The following HCN1 variants were observed in gnomAD, a reference collection of about 807,000 sequenced individuals.
HCN1 encodes the protein hyperpolarization activated cyclic nucleotide gated potassium channel 1, also known as potassium/sodium hyperpolarization-activated cyclic nucleotide-gated channel 1.
HCN1 carries 13 observed loss-of-function variants against 78.9 expected under a neutral mutation model. The ratio of observed to expected loss-of-function variants is 0.16; its 90% confidence interval spans 0.11 to 0.26. The LOEUF (loss-of-function observed/expected upper bound fraction) is 0.26. HCN1 is among the 10% of genes least tolerant of loss of function. HCN1 has a pLI of 1.00. For missense variants in HCN1, 810 were observed against 1,154.3 expected (o/e 0.70, Z 4.32); for synonymous variants, 552 against 455.5 (o/e 1.21, Z -2.70).
Position 45,353,268 on chromosome 5 carries a change from AT to A in HCN1, c.1231-23del, listed in dbSNP as rs773970502. 4.5e-6 allele frequency: 7 copies of A among 1,554,926 alleles called. No homozygotes were observed. The East Asian group carries it at 1.4e-4, about 30-fold the overall frequency. ...TATACTGTAAGGAAGGGAAAATAAA[AT>A]TAAAAAAAAACATTGTTAGGGTGTA... On this transcript the variant is annotated intron_variant, in intron 4 of 7. Coordinates refer to ENST00000303230, the MANE Select transcript of HCN1 (RefSeq NM_021072.4).
intron 3 of HCN1, among the ~76,000 whole-genome samples, chr5:45,405,636 G>A (rs1739904048): frequency 6.6e-6 from 1 of 152,102 alleles, no homozygotes; most frequent in African/African-American, 2.4e-5. Flanking sequence ...TCAAACTCCT[G>A]GCTTGAAGCA....
intron 2 of HCN1, among the ~76,000 whole-genome samples, chr5:45,626,842 A>G (rs1745170941): frequency 6.6e-6 from 1 of 152,024 alleles, no homozygotes; most frequent in Non-Finnish European, 1.5e-5. Context: ...ATAAGATCCA[A>G]TTAAAAATAA....
At chr5:45,442,201 T>C (rs1740692289) in intron 3 of HCN1, among the ~76,000 whole-genome samples, 1 of 152,148 alleles carries the variant, frequency 6.6e-6, no homozygotes, top group Non-Finnish European at 1.5e-5. Context: ...ACTGCTAAAG[T>C]AGACAAATTC....
In HCN1 at chr5:45,257,724, T is replaced by C. The variant is rs1271082977; in HGVS notation, c.*4197A>G. 6.6e-6 allele frequency: 1 copy of C among 152,168 alleles called. No individual in the cohort carries two copies. The highest frequency in any genetic ancestry group is 2.4e-5 in the African/African-American group (1 of 41,424). The allele number at this position is 152,168 out of a possible 1,614,324, so 9.4% of individuals were successfully genotyped here. A position where few individuals can be genotyped will look rare whatever the true frequency, so the allele number is the denominator to read the frequency against. ...TTTTGAGGGGTAATAGCAGGTGTAC[T>C]TCCCTAAGTACAATAGCAAATCTTT... On this transcript the variant is annotated 3_prime_UTR_variant, in exon 8 of 8. Transcript: ENST00000303230.
intron 4 of HCN1, among the ~76,000 whole-genome samples, chr5:45,360,257 T>C (rs779749728): frequency 1.8e-4 from 27 of 151,748 alleles, no homozygotes; most frequent in Non-Finnish European, 3.5e-4. Context: ...TGACTACATG[T>C]GTTTTAAATG....
chr5:45,376,672 T>C lies in HCN1; in HGVS notation c.1230+19820A>G, dbSNP rs564479336. Among the ~76,000 whole-genome samples, 6 of 152,052 alleles carry C rather than the reference T, an allele frequency of 3.9e-5. No homozygotes were observed. The Admixed American group carries it at 4.0e-4, about 10-fold the overall frequency. ...GAGTCATGCAGGGCAGACGTGATTA[T>C]GTTTATATCTTCATGAGGACCCTGA... On this transcript the variant is annotated intron_variant, in intron 4 of 7. Transcript: ENST00000303230.
At chr5:45,315,539 G>C (rs1745967513) in intron 5 of HCN1, among the ~76,000 whole-genome samples, 1 of 152,096 alleles carries the variant, frequency 6.6e-6, no homozygotes, top group African/African-American at 2.4e-5. Flanking sequence ...TCAAAAGCTA[G>C]CAGAAGGCAA....
At chr5:45,296,440 A>C (rs1745495722) in intron 6 of HCN1, among the ~76,000 whole-genome samples, 1 of 151,890 alleles carries the variant, frequency 6.6e-6, no homozygotes, top group African/African-American at 2.4e-5. Flanking sequence ...TATGACACCA[A>C]ATTTGTATGA....
intron 3 of HCN1, among the ~76,000 whole-genome samples, chr5:45,459,642 T>C (rs1361431685): frequency 6.6e-6 from 1 of 152,188 alleles, no homozygotes; most frequent in African/African-American, 2.4e-5. Flanking sequence ...TATATTGCCT[T>C]ATAATTATAC....
intron 3 of HCN1, among the ~76,000 whole-genome samples, chr5:45,429,542 T>C (rs961833696): frequency 1.3e-5 from 2 of 151,530 alleles, no homozygotes; most frequent in African/African-American, 2.4e-5. Flanking sequence ...AAAAAAAAGG[T>C]GCAATCAATT....
chr5:45,530,454 A>G (rs192737622), intron 2 of HCN1, among the ~76,000 whole-genome samples: 6 of 150,360 alleles, frequency 4.0e-5, no homozygotes, highest in Non-Finnish European at 1.5e-5. Flanking sequence ...TTTTTAAAAT[A>G]AAGGGTGCTT....
intron 5 of HCN1, among the ~76,000 whole-genome samples, chr5:45,352,621 T>C (rs1746932164): frequency 6.6e-6 from 1 of 152,024 alleles, no homozygotes; most frequent in South Asian, 2.1e-4. Context: ...GGCAGATTTC[T>C]AGGGAGGAAC....
Position 45,342,543 on chromosome 5 carries a change from A to C in HCN1, c.1377+10557T>G, listed in dbSNP as rs567176025. On this transcript the variant is annotated intron_variant, in intron 5 of 7. Transcript: ENST00000303230. ...AGGTGTGAGCCACTGCTCCCAGCTT[A>C]TTTCTTTCTTTTAACAAAATATAAA... 1.4e-4 allele frequency among the ~76,000 whole-genome samples: 21 copies of C among 152,084 alleles called. 2 individuals are homozygous for C. The South Asian group carries it at 3.7e-3, about 27-fold the overall frequency.
chr5:45,530,180 T>A (rs1043645231), intron 2 of HCN1, among the ~76,000 whole-genome samples: 3 of 152,024 alleles, frequency 2.0e-5, no homozygotes, highest in African/African-American at 7.2e-5. Flanking sequence ...TTCTCAGCTC[T>A]TTTTTTCAGA....
intron 3 of HCN1, among the ~76,000 whole-genome samples, chr5:45,436,222 G>T (rs2112081871): frequency 6.6e-6 from 1 of 152,272 alleles, no homozygotes; most frequent in South Asian, 2.1e-4. Context: ...CATTTTGGCA[G>T]AAGATTACTC....
intron 5 of HCN1, among the ~76,000 whole-genome samples, chr5:45,340,584 G>A (rs769400729): frequency 1.3e-5 from 2 of 151,920 alleles, no homozygotes; most frequent in Non-Finnish European, 2.9e-5. Context: ...TGGTTCCAGT[G>A]TCCTGAAATT....
intron 2 of HCN1, among the ~76,000 whole-genome samples, chr5:45,571,870 T>C (rs751996551): frequency 1.4e-4 from 22 of 152,122 alleles, no homozygotes; most frequent in Non-Finnish European, 2.6e-4. Flanking sequence ...GCTGAGATCA[T>C]GCCATTGCAC....
intron 2 of HCN1, among the ~76,000 whole-genome samples, chr5:45,471,223 G>A (rs965755444): frequency 3.3e-5 from 5 of 151,928 alleles, no homozygotes; most frequent in African/African-American, 1.2e-4. Flanking sequence ...AAATCTATGC[G>A]TGTGTTCAAG....
chr5:45,468,818 A>C (rs1220932288), intron 2 of HCN1, among the ~76,000 whole-genome samples: 1 of 152,054 alleles, frequency 6.6e-6, no homozygotes, highest in East Asian at 1.9e-4. Flanking sequence ...CAAACTTTGA[A>C]ATCTGTCAAG....
Sources: gnomAD v4.1 joint callset for allele counts (sites outside exome capture counted in the v4.1 genomes callset) on GRCh38, gnomAD v4.1.1 for gene constraint, MANE v1.5 for transcripts, NCBI Gene and HGNC (gene_info 2026-07-23, HGNC 2026-07-21) for gene names.